The following DACH2 variants were observed in gnomAD, a reference collection of about 807,000 sequenced individuals.
DACH2 encodes the protein dachshund homolog 2.
In DACH2, 17 loss-of-function variants were observed where a neutral mutation model predicts 35.8. The ratio of observed to expected loss-of-function variants is 0.48; its 90% CI spans 0.33 to 0.71. DACH2 has a LOEUF of 0.71. Ranked by LOEUF, DACH2 falls within the 30% of genes least tolerant of loss-of-function variation. The probability of loss-of-function intolerance (pLI) is 0.02; values close to 1 mark genes in which losing one functional copy is unlikely to be tolerated. For missense variants in DACH2, 469 were observed against 472.7 expected (o/e 0.99, Z 0.07); for synonymous variants, 195 against 177.3 (o/e 1.10, Z -0.79).
intron 2 of DACH2, among the ~76,000 whole-genome samples, chrX:86,445,226 G>T: frequency 9.2e-6 from 1 of 108,334 alleles, no homozygotes; most frequent in East Asian, 2.9e-4. Context: ...CTTTTCTCAA[G>T]AAATTTTTAT....
At chrX:86,718,471 T>G (rs1041105170) in intron 6 of DACH2, among the ~76,000 whole-genome samples, 5 of 111,855 alleles carry the variant, frequency 4.5e-5, no homozygotes, top group African/African-American at 1.6e-4. Context: ...TGCAAAAGAT[T>G]TTTAGTTTAA....
At chrX:86,706,240 T>G (rs1433670988) in intron 5 of DACH2, among the ~76,000 whole-genome samples, 2 of 111,436 alleles carry the variant, frequency 1.8e-5, no homozygotes, top group Non-Finnish European at 3.8e-5. Flanking sequence ...CTCTCGAAGC[T>G]ATTAAAATAC....
At chrX:86,535,712 A>G (rs1183116209) in intron 3 of DACH2, among the ~76,000 whole-genome samples, 2 of 110,561 alleles carry the variant, frequency 1.8e-5, no homozygotes, top group Non-Finnish European at 3.8e-5. Flanking sequence ...GACAGAGAGA[A>G]AAAAAAACGG....
chrX:86,220,802 C>T (rs1195997933), intron 1 of DACH2, among the ~76,000 whole-genome samples: 1 of 111,693 alleles, frequency 9.0e-6, no homozygotes, highest in Non-Finnish European at 1.9e-5. Context: ...ATACTGTTTT[C>T]CACAGTAAAT....
chrX:86,206,321 C>T (rs1172043880), intron 1 of DACH2, among the ~76,000 whole-genome samples: 6 of 111,275 alleles, frequency 5.4e-5, no homozygotes, highest in Non-Finnish European at 5.7e-5. Context: ...TTTACAAATC[C>T]TCTCCTAGTT....
chrX:86,718,150 CACAA>C (rs1419183264), intron 6 of DACH2, among the ~76,000 whole-genome samples: 2 of 111,163 alleles, frequency 1.8e-5, no homozygotes, highest in Non-Finnish European at 3.8e-5. Flanking sequence ...GTTTTCTCCT[CACAA>C]ACACTTGTTA....
chrX:86,719,119 C>G (rs1269220048), intron 6 of DACH2, among the ~76,000 whole-genome samples: 3 of 111,692 alleles, frequency 2.7e-5, no homozygotes, highest in Admixed American at 9.5e-5. Context: ...GGATATTTTT[C>G]CATTTGTTTT....
chrX:86,668,245 C>T (rs555045237), intron 4 of DACH2, among the ~76,000 whole-genome samples: 3 of 111,897 alleles, frequency 2.7e-5, no homozygotes, highest in African/African-American at 9.7e-5. Flanking sequence ...AACGAGATAC[C>T]TCCAGGCACC....
intron 3 of DACH2, among the ~76,000 whole-genome samples, chrX:86,641,915 C>A (rs756534646): frequency 9.0e-6 from 1 of 111,724 alleles, no homozygotes; most frequent in African/African-American, 3.2e-5. Flanking sequence ...TTTTGAGGGA[C>A]TTTATTACCA....
chrX:86,690,413 A>T (rs755199416), intron 4 of DACH2, among the ~76,000 whole-genome samples: 1 of 111,513 alleles, frequency 9.0e-6, no homozygotes, highest in Non-Finnish European at 1.9e-5. Context: ...TTTGGGTCCC[A>T]CCCATAATAT....
intron 1 of DACH2, among the ~76,000 whole-genome samples, chrX:86,243,346 T>C (rs1259544573): frequency 4.5e-5 from 5 of 112,161 alleles, no homozygotes; most frequent in African/African-American, 1.6e-4. Context: ...CTAAAGAAAG[T>C]AACTATGTGT....
At chrX:86,379,302 T>C (rs949874464) in intron 2 of DACH2, among the ~76,000 whole-genome samples, 8 of 110,865 alleles carry the variant, frequency 7.2e-5, no homozygotes, top group Admixed American at 5.8e-4. Context: ...ACAAAGTTGG[T>C]CATCTGAGAT....
At chrX:86,236,260 C>A (rs976015431) in intron 1 of DACH2, among the ~76,000 whole-genome samples, 1 of 112,391 alleles carries the variant, frequency 8.9e-6, no homozygotes, top group African/African-American at 3.2e-5. Context: ...AGCACCAGGA[C>A]AAGAACTATG....
intron 5 of DACH2, among the ~76,000 whole-genome samples, chrX:86,705,050 C>CATATATATATATATATATCTCACAT (rs753181886): frequency 1.3e-5 from 1 of 75,285 alleles, no homozygotes; most frequent in Non-Finnish European, 2.7e-5. Context: ...ATATATCTCA[C>CATATATATATATATATATCTCACAT]ATATATATAT....
chrX:86,602,246 C>T (rs1415114281), intron 3 of DACH2, among the ~76,000 whole-genome samples: 1 of 111,746 alleles, frequency 8.9e-6, no homozygotes, highest in Non-Finnish European at 1.9e-5. Context: ...TTTGTTTACT[C>T]GCCAATAAGA....
intron 3 of DACH2, among the ~76,000 whole-genome samples, chrX:86,637,180 A>G (rs1490118970): frequency 2.3e-5 from 2 of 87,387 alleles, no homozygotes; most frequent in African/African-American, 8.4e-5. Context: ...ACGTAGCATG[A>G]GTCAGAATGG....
In DACH2 at chrX:86,693,615, G is replaced by A. The variant is rs896543829; in HGVS notation, c.773-1406G>A. On this transcript the variant is annotated intron_variant, in intron 4 of 11. Coordinates refer to ENST00000373125, the MANE Select transcript of DACH2 (RefSeq NM_053281.3). The stretch of plus-strand genomic sequence containing the variant: ...TTGAATAAATGTTAAATCTTGAGGA[G>A]GAATGCCAATTGGGCCTGAAGACAT... Among the ~76,000 whole-genome samples, 2 of 112,085 alleles carry A rather than the reference G, an allele frequency of 1.8e-5. 1 individual carries two copies. Among genetic ancestry groups the A allele is most frequent in the Admixed American group, 1.9e-4 (2 of 10,477 alleles).
In DACH2 at chrX:86,487,083, A is replaced by G. The variant is rs762231385; in HGVS notation, c.528-27196A>G. ...CCAGAATATATAGACACCAATTTTA[A>G]CATATACTATTATTTTTTAAAGTAG... On this transcript the variant is annotated intron_variant, in intron 2 of 11. Transcript: ENST00000373125. Among the ~76,000 whole-genome samples, 4 of 111,611 alleles carry G rather than the reference A, an allele frequency of 3.6e-5. No individual in the cohort carries two copies. In the East Asian group the frequency reaches 1.1e-3, roughly 31 times the overall value.
At chrX:86,722,944 C>T (rs1001961979) in intron 6 of DACH2, among the ~76,000 whole-genome samples, 11 of 111,315 alleles carry the variant, frequency 9.9e-5, no homozygotes, top group African/African-American at 3.6e-4. Flanking sequence ...TGTGAATACA[C>T]CTGATCATGG....
Sources: gnomAD v4.1 joint callset for allele counts (sites outside exome capture counted in the v4.1 genomes callset) on GRCh38, gnomAD v4.1.1 for gene constraint, MANE v1.5 for transcripts, NCBI Gene and HGNC (gene_info 2026-07-23, HGNC 2026-07-21) for gene names.